XPO4: variants seen among roughly 807,000 people sequenced by gnomAD.
XPO4 encodes the protein exportin-4.
XPO4 carries 39 observed loss-of-function variants against 143.0 expected under a neutral mutation model. The observed-to-expected ratio is 0.27, with a 90% confidence interval of 0.21 to 0.36. The LOEUF (loss-of-function observed/expected upper bound fraction) is 0.36. Among genes scored for constraint, XPO4 ranks in the 10% least tolerant of loss-of-function variants. The probability of loss-of-function intolerance (pLI) is 1.00; values close to 1 mark genes in which losing one functional copy is unlikely to be tolerated. For synonymous variants in XPO4, 439 were observed against 474.0 expected, an observed-to-expected ratio of 0.93 and a Z score of 0.96; for missense variants, 907 against 1,348.0, an observed-to-expected ratio of 0.67 and a Z score of 5.12.
intron 7 of XPO4, among the ~76,000 whole-genome samples, chr13:20,823,415 T>C (rs2059744237): frequency 6.6e-6 from 1 of 152,218 alleles, no homozygotes; most frequent in South Asian, 2.1e-4. Flanking sequence ...TAATGAAATT[T>C]AAAACACTAA....
intron 13 of XPO4, among the ~76,000 whole-genome samples, 195 bp from the exon 14 acceptor site, chr13:20,801,185 A>G (rs1265430270): frequency 1.3e-5 from 2 of 152,244 alleles, no homozygotes; most frequent in Non-Finnish European, 2.9e-5. Flanking sequence ...AGGAGACAAG[A>G]TAAGGAAAGG....
chr13:20,871,455 G>C lies in XPO4; in HGVS notation c.70-2754C>G, dbSNP rs530493665. On this transcript the variant is annotated intron_variant, in intron 1 of 22. Coordinates refer to ENST00000255305, the MANE Select transcript of XPO4 (RefSeq NM_022459.5). ...CCGCCTTTGCCTCTTCCGTAACTGG[G>C]ACTACAGGGGCATGCCACCACACAG... Among the ~76,000 whole-genome samples the C allele has an allele frequency of 5.3e-5, 8 of 152,292 alleles. No individual in the cohort carries two copies. The South Asian group carries it at 1.5e-3, about 28-fold the overall frequency.
chr13:20,882,367 G>A (rs2060419722), intron 1 of XPO4, among the ~76,000 whole-genome samples: 1 of 152,086 alleles, frequency 6.6e-6, no homozygotes, highest in Admixed American at 6.5e-5. Context: ...ACGGCAGAGG[G>A]CAAAGGGAGA....
chr13:20,796,136 G>A lies in XPO4; in HGVS notation c.2737C>T (p.Leu913Phe), dbSNP rs2059354996. The change falls in exon 18 of 23, where the codon CTC becomes TTC. Residue 913 changes from leucine to phenylalanine, a missense_variant. Physicochemically the swap from Leu to Phe is conservative, Grantham distance 22. Transcript: ENST00000255305. ...AGGTTAGTAAGAAGTTCCATAATGA[G>A]AAGCAGGTCTTGGTATTGCTCTTCT... The part of the protein sequence containing the change: ...AEEEQYQDLL[L>F]IMELLTNLLS... The A allele has an allele frequency of 6.2e-7, 1 of 1,613,702 alleles. No individual in the cohort carries two copies. The highest frequency in any genetic ancestry group is 8.5e-7 in the Non-Finnish European group (1 of 1,179,918).
In XPO4 at chr13:20,821,643, C is replaced by A. The variant is rs1702178599; in HGVS notation, c.1173+61G>T. ...TAATTACTTGTCATGAGAAATGTTC[C>A]AAAGGCACCGCAAATTTCCTTGTGA... On this transcript the variant is annotated intron_variant, in intron 9 of 22. Coordinates refer to ENST00000255305, the MANE Select transcript of XPO4 (RefSeq NM_022459.5). 1.3e-5 allele frequency: 20 copies of A among 1,530,110 alleles called. No homozygotes were observed. The South Asian group carries it at 2.5e-4, about 19-fold the overall frequency. 94.8% of individuals were successfully genotyped at this position (1,530,110 alleles called of 1,614,324 possible). A position where few individuals can be genotyped will look rare whatever the true frequency, so the allele number is the denominator to read the frequency against.
chr13:20,778,325 TAAC>T lies in XPO4; in HGVS notation c.*5394_*5396del, dbSNP rs2059105413. 1 of 152,206 alleles carries T rather than the reference TAAC, an allele frequency of 6.6e-6. No homozygotes were observed. The highest frequency in any genetic ancestry group is 2.4e-5 in the African/African-American group (1 of 41,462). The allele number at this position is 152,206 out of a possible 1,614,324, so 9.4% of individuals were successfully genotyped here. On this transcript the variant is annotated 3_prime_UTR_variant, in exon 23 of 23. Transcript: ENST00000255305. ...GGAATAAATCTCAATATAAGCTAAA[TAAC>T]AACATTACAAATCAAAGAATATTCA...
At chr13:20,815,027 C>G (rs142260577) in intron 9 of XPO4, among the ~76,000 whole-genome samples, 1 of 152,148 alleles carries the variant, frequency 6.6e-6, no homozygotes, top group African/African-American at 2.4e-5. Context: ...TATATGAAAT[C>G]TGTCCCCTTT....
chr13:20,859,794 A>C, intron 3 of XPO4: 7 of 917,418 alleles, frequency 7.6e-6, no homozygotes, highest in Non-Finnish European at 9.1e-6. Flanking sequence ...TTAAAAAAAA[A>C]AAAAGAACAA....
chr13:20,816,052 T>C (rs558076360), intron 9 of XPO4, among the ~76,000 whole-genome samples: 1 of 152,364 alleles, frequency 6.6e-6, no homozygotes, highest in African/African-American at 2.4e-5. Flanking sequence ...TAATCGTTCA[T>C]TTCATTATTC....
chr13:20,790,452 C>T lies in XPO4; in HGVS notation c.2916+10G>A. 6.3e-7 allele frequency: 1 copy of T among 1,599,398 alleles called. No homozygotes were observed. Among genetic ancestry groups the T allele is most frequent in the Non-Finnish European group, 8.6e-7 (1 of 1,166,692 alleles). ...ATAGTGGTATGTTCACATTCAATTT[C>T]ATTAATTACCTTCAAGAGATCCTGT... is the stretch of plus-strand genomic sequence containing the variant. On this transcript the variant is annotated intron_variant, in intron 19 of 22. Coordinates refer to ENST00000255305, the MANE Select transcript of XPO4 (RefSeq NM_022459.5).
chr13:20,819,888 G>A (rs1389270571), intron 9 of XPO4, among the ~76,000 whole-genome samples: 1 of 152,090 alleles, frequency 6.6e-6, no homozygotes, highest in East Asian at 1.9e-4. Context: ...AACCGCTTGA[G>A]GTTGAGATGA....
chr13:20,827,877 C>T (rs1260882485), intron 6 of XPO4, among the ~76,000 whole-genome samples: 1 of 152,140 alleles, frequency 6.6e-6, no homozygotes, highest in Admixed American at 6.6e-5. Context: ...AAGTAACCAT[C>T]ATATATTTGT....
At chr13:20,822,593 A>T (rs1277895978) in intron 7 of XPO4, among the ~76,000 whole-genome samples, 1 of 152,246 alleles carries the variant, frequency 6.6e-6, no homozygotes, top group Non-Finnish European at 1.5e-5. Context: ...GCTTCTTCTA[A>T]AAACAGCAAC....
chr13:20,812,655 G>A (rs74036447), intron 9 of XPO4, among the ~76,000 whole-genome samples: 3,136 of 152,168 alleles, frequency 0.021, 85 homozygotes, highest in Middle Eastern at 0.075. Context: ...AGGACATTGG[G>A]GGAAAAACTG....
chr13:20,889,068 C>T (rs1347120016), intron 1 of XPO4, among the ~76,000 whole-genome samples: 1 of 152,110 alleles, frequency 6.6e-6, no homozygotes, highest in East Asian at 1.9e-4. Context: ...CCACCTTGGC[C>T]TCCCAAAGTG....
intron 9 of XPO4, among the ~76,000 whole-genome samples, chr13:20,817,992 C>T (rs2059671167): frequency 6.6e-6 from 1 of 151,926 alleles, no homozygotes; most frequent in Non-Finnish European, 1.5e-5. Flanking sequence ...GACGGAGCTT[C>T]GATGTGTTGG....
Position 20,876,844 on chromosome 13 carries a change from T to C in XPO4, c.70-8143A>G, listed in dbSNP as rs576969944. ...ACCCAAAGAGTGAGCAGCAGCAAGA[T>C]ATATTGTGAAGAAAGAAAGAACAAA... On this transcript the variant is annotated intron_variant, in intron 1 of 22. Transcript: ENST00000255305. Among the ~76,000 whole-genome samples, 17 of 152,194 alleles carry C rather than the reference T, an allele frequency of 1.1e-4. No individual in the cohort carries two copies. The East Asian group carries it at 3.3e-3, about 29-fold the overall frequency.
At chr13:20,893,499 G>A (rs990483672) in intron 1 of XPO4, among the ~76,000 whole-genome samples, 2 of 152,176 alleles carry the variant, frequency 1.3e-5, no homozygotes, top group Non-Finnish European at 2.9e-5. Flanking sequence ...CAGCACTTTG[G>A]GAGGCCGAGG....
chr13:20,799,426 A>T (rs1448374235), intron 15 of XPO4, 87 bp from the exon 16 acceptor site: 2 of 1,184,538 alleles, frequency 1.7e-6, no homozygotes, highest in African/African-American at 1.5e-5. Context: ...AAACAAAAAT[A>T]AAAAATAACT....
Sources: allele counts gnomAD v4.1 joint callset (sites outside exome capture counted in the v4.1 genomes callset), GRCh38; gene constraint gnomAD v4.1.1; transcripts MANE v1.5; gene names NCBI Gene and HGNC (gene_info 2026-07-23, HGNC 2026-07-21).